Variants in NALF1 observed in about 807,000 individuals in gnomAD.
NALF1 encodes NALCN channel auxiliary factor 1.
NALF1 carries 3 observed loss-of-function variants against 48.4 expected under a neutral mutation model. That is an observed-to-expected ratio of 0.06 (90% CI 0.03 to 0.16). The LOEUF (loss-of-function observed/expected upper bound fraction) is 0.16, where lower values mean the gene tolerates loss of function less well. NALF1 is among the 10% of genes least tolerant of loss of function. The pLI is 1.00. For missense variants in NALF1, 526 were observed against 571.5 expected (o/e 0.92, Z 0.81); for synonymous variants, 262 against 245.7 (o/e 1.07, Z -0.62).
At chr13:107,233,858 T>G (rs1418002734) in intron 1 of NALF1, among the ~76,000 whole-genome samples, 10 of 152,202 alleles carry the variant, frequency 6.6e-5, no homozygotes, top group Non-Finnish European at 1.5e-4. Context: ...GTTACATCAC[T>G]GATCAAATAA....
intron 1 of NALF1, among the ~76,000 whole-genome samples, chr13:107,271,859 A>G (rs978380063): frequency 3.4e-5 from 5 of 146,176 alleles, no homozygotes; most frequent in African/African-American, 5.1e-5. Context: ...TCCAATTTCA[A>G]ACCTAAGCTT....
intron 1 of NALF1, among the ~76,000 whole-genome samples, chr13:107,588,710 T>C (rs1038985569): frequency 6.6e-6 from 1 of 152,096 alleles, no homozygotes; most frequent in Non-Finnish European, 1.5e-5. Flanking sequence ...AAAAATATCC[T>C]TTTAATTTTT....
chr13:107,641,030 A>T (rs9520535), intron 1 of NALF1, among the ~76,000 whole-genome samples: 37,210 of 152,184 alleles, frequency 0.24, 5,137 homozygotes, highest in East Asian at 0.48. Flanking sequence ...GGATAAATGG[A>T]TAACTAAAAT....
intron 1 of NALF1, among the ~76,000 whole-genome samples, chr13:107,687,057 C>T (rs1181149682): frequency 1.3e-5 from 2 of 152,286 alleles, no homozygotes; most frequent in East Asian, 1.9e-4. Flanking sequence ...ACTTAAGCGT[C>T]CATCAATGGA....
At chr13:107,522,655 C>G (rs7326667) in intron 1 of NALF1, among the ~76,000 whole-genome samples, 100,486 of 151,118 alleles carry the variant, frequency 0.66, 35,035 homozygotes, top group Middle Eastern at 0.81. Flanking sequence ...CCAGACTGTA[C>G]TGCAGTGGTG....
intron 1 of NALF1, among the ~76,000 whole-genome samples, chr13:107,449,875 T>G (rs945749616): frequency 2.0e-5 from 3 of 152,172 alleles, no homozygotes; most frequent in African/African-American, 7.2e-5. Context: ...CACACAGAGC[T>G]GGATGCCATG....
At chr13:107,646,317 T>C (rs945170636) in intron 1 of NALF1, among the ~76,000 whole-genome samples, 1 of 148,434 alleles carries the variant, frequency 6.7e-6, no homozygotes, top group Admixed American at 6.7e-5. Flanking sequence ...AACAAAATGG[T>C]GTAGACAGGT....
At chr13:107,419,919 A>T (rs796164531) in intron 1 of NALF1, among the ~76,000 whole-genome samples, 3 of 152,120 alleles carry the variant, frequency 2.0e-5, no homozygotes, top group African/African-American at 7.2e-5. Flanking sequence ...TGTTGAGACA[A>T]CAATTTACTT....
At chr13:107,849,109 G>A (rs1250042623) in intron 1 of NALF1, among the ~76,000 whole-genome samples, 2 of 152,174 alleles carry the variant, frequency 1.3e-5, no homozygotes. Flanking sequence ...TGTAATTAGA[G>A]CATAATGATG....
chr13:107,731,796 C>A (rs1876317025), intron 1 of NALF1, among the ~76,000 whole-genome samples: 1 of 152,100 alleles, frequency 6.6e-6, no homozygotes, highest in South Asian at 2.1e-4. Context: ...CTTTATCCAG[C>A]CTGCCATTGA....
chr13:107,287,730 G>C (rs1881526597), intron 1 of NALF1, among the ~76,000 whole-genome samples: 1 of 111,396 alleles, frequency 9.0e-6, no homozygotes, highest in Admixed American at 1.1e-4. Context: ...TTTTGAGACA[G>C]AGTCTTGTTT....
At chr13:107,545,634 C>G (rs1877116380) in intron 1 of NALF1, among the ~76,000 whole-genome samples, 1 of 151,944 alleles carries the variant, frequency 6.6e-6, no homozygotes, top group African/African-American at 2.4e-5. Context: ...GTGTCATTTC[C>G]AAGCAGGAAC....
At chr13:107,599,287 T>G (rs551795270) in intron 1 of NALF1, among the ~76,000 whole-genome samples, 1 of 152,174 alleles carries the variant, frequency 6.6e-6, no homozygotes, top group African/African-American at 2.4e-5. Context: ...CCAGGCGTGG[T>G]GGCGGGCATC....
intron 1 of NALF1, among the ~76,000 whole-genome samples, chr13:107,601,411 G>A (rs1878923132): frequency 6.6e-6 from 1 of 152,162 alleles, no homozygotes; most frequent in Admixed American, 6.5e-5. Context: ...CTTTTCTTGA[G>A]ATATGTATCC....
intron 1 of NALF1, among the ~76,000 whole-genome samples, chr13:107,304,192 G>C (rs913192140): frequency 5.9e-5 from 9 of 152,092 alleles, no homozygotes; most frequent in African/African-American, 1.9e-4. Context: ...ATTTCCATCT[G>C]ACCACCTTCA....
intron 1 of NALF1, among the ~76,000 whole-genome samples, chr13:107,325,885 T>TACACACAC (rs1468507070): frequency 2.9e-5 from 2 of 69,712 alleles, no homozygotes; most frequent in South Asian, 6.9e-4. Flanking sequence ...TATATATATA[T>TACACACAC]ATACACACAC....
At chr13:107,378,308 C>T (rs540323885) in intron 1 of NALF1, among the ~76,000 whole-genome samples, 20 of 151,846 alleles carry the variant, frequency 1.3e-4, no homozygotes, top group South Asian at 8.3e-4. Flanking sequence ...GGAGTATTGG[C>T]TTTGTATACT....
intron 1 of NALF1, among the ~76,000 whole-genome samples, chr13:107,602,699 T>C (rs1386783783): frequency 6.6e-6 from 1 of 152,228 alleles, no homozygotes; most frequent in African/African-American, 2.4e-5. Context: ...TATAAAAGGT[T>C]TAATTCATTA....
chr13:107,711,682 G>T (rs1039281657), intron 1 of NALF1, among the ~76,000 whole-genome samples: 1 of 152,148 alleles, frequency 6.6e-6, no homozygotes, highest in Admixed American at 6.6e-5. Flanking sequence ...TGTTCCATAA[G>T]GTCTGTGTGG....
Sources: allele counts gnomAD v4.1 joint callset (sites outside exome capture counted in the v4.1 genomes callset), GRCh38; gene constraint gnomAD v4.1.1; transcripts MANE v1.5; gene names NCBI Gene and HGNC (gene_info 2026-07-23, HGNC 2026-07-21).